AGTRAP: variants seen among roughly 807,000 people sequenced by gnomAD.
AGTRAP encodes the protein type-1 angiotensin II receptor-associated protein.
Under a neutral mutation model 15.2 loss-of-function variants are expected in AGTRAP, and 7 were observed. That is an observed-to-expected ratio of 0.46 (90% CI 0.26 to 0.87). AGTRAP has a LOEUF of 0.87. AGTRAP is among the 40% of genes least tolerant of loss of function. The pLI is 0.15. For synonymous variants in AGTRAP, 74 were observed against 89.6 expected (o/e 0.83, Z 0.98); for missense variants, 187 against 213.4 (o/e 0.88, Z 0.77).
intron 1 of AGTRAP, 104 bp downstream of exon 1, chr1:11,736,339 T>C: frequency 6.7e-7 from 1 of 1,486,024 alleles, no homozygotes; most frequent in Non-Finnish European, 9.2e-7. Context: ...GAAAGAGGGA[T>C]GGTAGGGAGG....
intron 1 of AGTRAP, among the ~76,000 whole-genome samples, chr1:11,742,464 C>T (rs1053288627): frequency 6.7e-6 from 1 of 150,298 alleles, no homozygotes; most frequent in Non-Finnish European, 1.5e-5. Context: ...TTCCTTCCTT[C>T]TTTCCTTCCT....
At chr1:11,740,235 GT>G (rs1187683625) in intron 1 of AGTRAP, among the ~76,000 whole-genome samples, 1 of 152,242 alleles carries the variant, frequency 6.6e-6, no homozygotes, top group Non-Finnish European at 1.5e-5. Flanking sequence ...TGTCCTGACA[GT>G]TACTGGCCCC....
At chr1:11,749,713 C>T (rs983431829) in intron 4 of AGTRAP, among the ~76,000 whole-genome samples, 3 of 152,162 alleles carry the variant, frequency 2.0e-5, no homozygotes, top group African/African-American at 7.2e-5. Flanking sequence ...CACGTGCTGC[C>T]TGGGGAAGCC....
chr1:11,737,155 C>T (rs1178760970), intron 1 of AGTRAP, among the ~76,000 whole-genome samples: 9 of 152,222 alleles, frequency 5.9e-5, no homozygotes, highest in Admixed American at 4.6e-4. Flanking sequence ...GCTTAATACA[C>T]TTTATTATTA....
chr1:11,745,948 G>A lies in AGTRAP; in HGVS notation c.62+111G>A. 1.4e-6 allele frequency: 2 copies of A among 1,444,686 alleles called. No individual in the cohort carries two copies. The highest frequency in any genetic ancestry group is 1.9e-6 in the Non-Finnish European group (2 of 1,026,990). The allele number at this position is 1,444,686 out of a possible 1,614,324, so 89.5% of individuals were successfully genotyped here. A position where few individuals can be genotyped will look rare whatever the true frequency, so the allele number is the denominator to read the frequency against. On this transcript the variant is annotated intron_variant, in intron 2 of 4. Coordinates refer to ENST00000314340, the MANE Select transcript of AGTRAP (RefSeq NM_020350.5). The surrounding 1 kb of genome is among the most constrained non-coding windows in gnomAD (Gnocchi z 4.2). Reference sequence around the variant, plus strand: ...TAACCAGGTCACTTTGGGCCAGACAGCTCTGCCTCTCCGGGTCTTGATTTC... The same window carrying A: ...TAACCAGGTCACTTTGGGCCAGACAACTCTGCCTCTCCGGGTCTTGATTTC...
At chr1:11,742,883 A>T (rs993588985) in intron 1 of AGTRAP, among the ~76,000 whole-genome samples, 1 of 152,182 alleles carries the variant, frequency 6.6e-6, no homozygotes, top group Non-Finnish European at 1.5e-5. Context: ...CACCCAGGCC[A>T]GAAACCCCGG....
chr1:11,749,422 G>A (rs1235983296), intron 4 of AGTRAP, among the ~76,000 whole-genome samples: 2 of 152,082 alleles, frequency 1.3e-5, no homozygotes, highest in African/African-American at 4.8e-5. Context: ...GCCTGGGCCT[G>A]CCCCCAGGTG....
chr1:11,748,538 C>T lies in AGTRAP; in HGVS notation c.292C>T (p.Leu98Phe). ...GVGMAILSLL[L>F]KPLSCCFVYH... ...GGGCATGGCCATCCTCAGCTTGCTG[C>T]TCAAGCCGCTCTCCTGCTGCTTCGT... Residue 98 changes from leucine to phenylalanine, a missense_variant, in exon 4 of 5, where the codon CTC becomes TTC. Leu to Phe is a conservative substitution (Grantham distance 22). Transcript: ENST00000314340. 6.2e-7 allele frequency: 1 copy of T among 1,611,510 alleles called. No homozygotes were observed. The highest frequency in any genetic ancestry group is 8.5e-7 in the Non-Finnish European group (1 of 1,180,008).
At chr1:11,741,501 C>G (rs1464034284) in intron 1 of AGTRAP, among the ~76,000 whole-genome samples, 1 of 152,174 alleles carries the variant, frequency 6.6e-6, no homozygotes, top group Non-Finnish European at 1.5e-5. Flanking sequence ...GTTTAAGAAA[C>G]TTAACACCGT....
intron 1 of AGTRAP, among the ~76,000 whole-genome samples, chr1:11,741,865 C>T (rs1370256013): frequency 6.6e-6 from 1 of 152,218 alleles, no homozygotes; most frequent in African/African-American, 2.4e-5. Context: ...ACTTCTGTAA[C>T]ACACTACTCA....
chr1:11,750,504 C>T lies in AGTRAP; in HGVS notation c.*312C>T. On this transcript the variant is annotated 3_prime_UTR_variant, in exon 5 of 5. Transcript: ENST00000314340. ...TCAGCCGAGTCCTGCCTGAGTGTTG[C>T]AAGCTCAGGCCTTTAAGGACTGCTG... 1 of 584,536 alleles carries T rather than the reference C, an allele frequency of 1.7e-6. No homozygotes were observed. Among genetic ancestry groups the T allele is most frequent in the Non-Finnish European group, 3.0e-6 (1 of 328,024 alleles). 36.2% of individuals were successfully genotyped at this position (584,536 alleles called of 1,614,324 possible). A position where few individuals can be genotyped will look rare whatever the true frequency, so the allele number is the denominator to read the frequency against.
chr1:11,746,879 G>T (rs535424516), intron 2 of AGTRAP, among the ~76,000 whole-genome samples: 185 of 152,330 alleles, frequency 1.2e-3, no homozygotes, highest in African/African-American at 4.4e-3. Flanking sequence ...GGCGGGCCTT[G>T]TGTTAGGAAA....
Position 11,748,557 on chromosome 1 carries a change from G to A in AGTRAP, c.311G>A (p.Cys104Tyr). The change falls in exon 4 of 5, where the codon TGC (cysteine) becomes TAC (tyrosine). Residue 104 changes from cysteine to tyrosine, a missense_variant. Cys to Tyr is a radical substitution (Grantham distance 194). Transcript: ENST00000314340. ...TTGCTGCTCAAGCCGCTCTCCTGCT[G>A]CTTCGTCTACCACATGTACCGGGAG... is the stretch of plus-strand genomic sequence containing the variant. ...LSLLLKPLSC[C>Y]FVYHMYRERG... The A allele has an allele frequency of 6.2e-7, 1 of 1,611,992 alleles. No individual in the cohort carries two copies. Among genetic ancestry groups the A allele is most frequent in the Non-Finnish European group, 8.5e-7 (1 of 1,180,020 alleles).
At chr1:11,741,140 C>T (rs1642021037) in intron 1 of AGTRAP, among the ~76,000 whole-genome samples, 1 of 151,900 alleles carries the variant, frequency 6.6e-6, no homozygotes, top group East Asian at 1.9e-4. Flanking sequence ...GAAAGTTCCA[C>T]GCCCCCCTTC....
chr1:11,743,998 G>A (rs950671281), intron 1 of AGTRAP, among the ~76,000 whole-genome samples: 1 of 152,174 alleles, frequency 6.6e-6, no homozygotes, highest in Non-Finnish European at 1.5e-5. Context: ...TATTGTAGCT[G>A]GGTGCAGTGG....
In AGTRAP at chr1:11,736,162, A is replaced by T; in HGVS notation, c.-47A>T. The T allele has an allele frequency of 6.3e-7, 1 of 1,581,282 alleles. No homozygotes were observed. The highest frequency in any genetic ancestry group is 8.6e-7 in the Non-Finnish European group (1 of 1,164,526). On this transcript the variant is annotated 5_prime_UTR_variant, in exon 1 of 5. Transcript: ENST00000314340. Reference sequence around the variant, plus strand: ...AGTTTGTTCCCCGAGTTCGGAGCCTAGGAGCCCCCCGCGGCTGCGGCGCAG... The same window carrying T: ...AGTTTGTTCCCCGAGTTCGGAGCCTTGGAGCCCCCCGCGGCTGCGGCGCAG...
intron 1 of AGTRAP, among the ~76,000 whole-genome samples, chr1:11,740,355 G>A (rs1641999055): frequency 6.6e-6 from 1 of 152,196 alleles, no homozygotes; most frequent in South Asian, 2.1e-4. Flanking sequence ...CACAGATGAA[G>A]AAACTGAGGC....
chr1:11,746,480 C>A (rs543643130), intron 2 of AGTRAP: 2 of 390,866 alleles, frequency 5.1e-6, no homozygotes, highest in Non-Finnish European at 9.5e-6. Flanking sequence ...AGGAAGCGCC[C>A]GCTGCATGCA....
Position 11,748,477 on chromosome 1 carries a change from G to C in AGTRAP, c.231G>C (p.Pro77=), listed in dbSNP as rs139499701. ...LDIVHISIFY[P]RVSLTDTGRF... is the part of the protein sequence containing the mutation. ...TCGTGCACATCAGCATCTTCTACCCGCGGGTCAGCCTCACGGACACGGGCC... is the reference window on the plus strand; with the variant it reads ...TCGTGCACATCAGCATCTTCTACCCCCGGGTCAGCCTCACGGACACGGGCC... Residue 77 remains proline, a synonymous_variant, in exon 4 of 5, where the codon CCG becomes CCC. Transcript: ENST00000314340. 1.1e-5 allele frequency: 17 copies of C among 1,613,732 alleles called. No homozygotes were observed. The highest frequency in any genetic ancestry group is 1.4e-5 in the Non-Finnish European group (17 of 1,180,018).
Sources: gnomAD v4.1 joint callset for allele counts (sites outside exome capture counted in the v4.1 genomes callset) on GRCh38, gnomAD v4.1.1 for gene constraint, Gnocchi (gnomAD v3.1) non-coding constraint, MANE v1.5 for transcripts, NCBI Gene and HGNC (gene_info 2026-07-23, HGNC 2026-07-21) for gene names.